IQCJ: variants seen among roughly 807,000 people sequenced by gnomAD.
IQCJ encodes the protein IQ motif containing J.
IQCJ carries 9 observed loss-of-function variants against 11.0 expected under a neutral mutation model. That is an observed-to-expected ratio of 0.82 (90% confidence interval 0.49 to 1.43). IQCJ has a LOEUF of 1.43. IQCJ is among the 40% of genes most tolerant of loss of function. IQCJ has a pLI of 0.00. For missense variants in IQCJ, 146 were observed against 133.2 expected (o/e 1.10, Z -0.47); for synonymous variants, 55 against 51.3 (o/e 1.07, Z -0.31).
rs182526464 is a variant in IQCJ, at chr3:159,238,587, G to A, written c.10-7256G>A. ...ACCATCCCTGACCTTGAAGAGCTGA[G>A]TGGGGGAGGCAGGTAAAGAGTAAAT... On this transcript the variant is annotated intron_variant, in intron 1 of 3. Coordinates refer to ENST00000397832, the MANE Select transcript of IQCJ (RefSeq NM_001042706.3). 5.6e-4 allele frequency among the ~76,000 whole-genome samples: 85 copies of A among 152,358 alleles called. 1 individual carries two copies. In the East Asian group the frequency reaches 0.015, roughly 27 times the overall value.
In IQCJ at chr3:159,234,861, A is replaced by G. The variant is rs1394451980; in HGVS notation, c.10-10982A>G. Among the ~76,000 whole-genome samples the G allele has an allele frequency of 2.0e-5, 3 of 152,330 alleles. No homozygotes were observed. In the East Asian group the frequency reaches 5.8e-4, roughly 29 times the overall value. On this transcript the variant is annotated intron_variant, in intron 1 of 3. Transcript: ENST00000397832. ...CAACATCACTTAGTAAATACATAAG[A>G]AATGCAAACTCACTTTCTAACCCTG...
intron 1 of IQCJ, among the ~76,000 whole-genome samples, chr3:159,175,714 C>G (rs2108002912): frequency 6.6e-6 from 1 of 152,228 alleles, no homozygotes; most frequent in East Asian, 1.9e-4. Context: ...TATAGATACT[C>G]TACAATATGC....
rs1490718734 is a variant in IQCJ at position 159,100,186 on chromosome 3, C to T, written c.9+30745C>T. On this transcript the variant is annotated intron_variant, in intron 1 of 3. Coordinates refer to ENST00000397832, the MANE Select transcript of IQCJ (RefSeq NM_001042706.3). Reference sequence around the variant, plus strand: ...CGGCTCCTGAGGCTTCTGCATTCTTCACGTAGTTCTCGAGCCTTGGTTTTC... The same window carrying T: ...CGGCTCCTGAGGCTTCTGCATTCTTTACGTAGTTCTCGAGCCTTGGTTTTC... Among the ~76,000 whole-genome samples, 2 of 11,218 alleles carry T rather than the reference C, an allele frequency of 1.8e-4. 1 individual carries two copies. Among genetic ancestry groups the T allele is most frequent in the Non-Finnish European group, 3.3e-4 (2 of 6,148 alleles). 7.4% of individuals were successfully genotyped at this position (11,218 alleles called of 152,430 possible).
chr3:159,177,702 G>T (rs1722869720), intron 1 of IQCJ, among the ~76,000 whole-genome samples: 1 of 152,116 alleles, frequency 6.6e-6, no homozygotes. Context: ...TCGTCAAAAT[G>T]CATACATCTG....
Position 159,211,433 on chromosome 3 carries a change from A to G in IQCJ, c.10-34410A>G, listed in dbSNP as rs1262219360. On this transcript the variant is annotated intron_variant, in intron 1 of 3. Coordinates refer to ENST00000397832, the MANE Select transcript of IQCJ (RefSeq NM_001042706.3). Reference sequence around the variant, plus strand: ...AAAGCTTCAGTTTAAGTGGTTGCCCACTGTCATCATTAATAAAACTTCTTT... The same window carrying G: ...AAAGCTTCAGTTTAAGTGGTTGCCCGCTGTCATCATTAATAAAACTTCTTT... Among the ~76,000 whole-genome samples the G allele has an allele frequency of 3.3e-5, 5 of 152,232 alleles. No homozygotes were observed. In the East Asian group the frequency reaches 9.6e-4, roughly 29 times the overall value.
intron 1 of IQCJ, among the ~76,000 whole-genome samples, chr3:159,145,587 T>C (rs1407815591): frequency 4.8e-5 from 7 of 145,576 alleles, no homozygotes; most frequent in Admixed American, 1.4e-4. Flanking sequence ...TTTTTTTTTT[T>C]CTAAATATAT....
chr3:159,202,409 G>A (rs1418038256), intron 1 of IQCJ, among the ~76,000 whole-genome samples: 6 of 152,164 alleles, frequency 3.9e-5, no homozygotes, highest in African/African-American at 1.2e-4. Context: ...CAATTTAATA[G>A]CAAGTTCCTC....
intron 1 of IQCJ, among the ~76,000 whole-genome samples, chr3:159,166,934 C>T (rs1173572007): frequency 1.3e-5 from 2 of 152,162 alleles, no homozygotes; most frequent in East Asian, 3.8e-4. Context: ...AATGCATCTG[C>T]AAATACTAGG....
intron 3 of IQCJ, among the ~76,000 whole-genome samples, chr3:159,257,921 G>A (rs1353795537): frequency 6.6e-6 from 1 of 152,196 alleles, no homozygotes; most frequent in East Asian, 1.9e-4. Flanking sequence ...TTTTGGGAAT[G>A]ATGATCAGTT....
chr3:159,147,505 T>G (rs1313893430), intron 1 of IQCJ, among the ~76,000 whole-genome samples: 2 of 152,234 alleles, frequency 1.3e-5, no homozygotes, highest in South Asian at 4.1e-4. Context: ...CTCAGAACTT[T>G]ATACTCTCAA....
chr3:159,174,898 C>T (rs182607262), intron 1 of IQCJ, among the ~76,000 whole-genome samples: 9 of 151,986 alleles, frequency 5.9e-5, no homozygotes, highest in African/African-American at 1.7e-4. Flanking sequence ...CTCAAGACAA[C>T]GTATTTGAAA....
At chr3:159,078,977 TATG>T (rs1209189343) in intron 1 of IQCJ, among the ~76,000 whole-genome samples, 4 of 152,174 alleles carry the variant, frequency 2.6e-5, no homozygotes, top group Non-Finnish European at 5.9e-5. Flanking sequence ...TTATTAATAA[TATG>T]ATAACTAAAT....
At chr3:159,113,614 A>G (rs1274043199) in intron 1 of IQCJ, among the ~76,000 whole-genome samples, 5 of 152,180 alleles carry the variant, frequency 3.3e-5, no homozygotes, top group Non-Finnish European at 7.3e-5. Context: ...AACACCTACA[A>G]TGGGAAGTGA....
At position 159,091,010 on chromosome 3, in the gene IQCJ, G is replaced by A. The variant is rs922076766; in HGVS notation, c.9+21569G>A. On this transcript the variant is annotated intron_variant, in intron 1 of 3. Coordinates refer to ENST00000397832, the MANE Select transcript of IQCJ (RefSeq NM_001042706.3). ...CTAAATCCCTAAATTATAGTGGAAA[G>A]CATTAATTGAGGAAGTTTTCAAAAT... Among the ~76,000 whole-genome samples the A allele has an allele frequency of 2.9e-4, 44 of 151,834 alleles. 2 individuals carry two copies. Among genetic ancestry groups the A allele is most frequent in the African/African-American group, 1.0e-3 (43 of 41,116 alleles).
intron 1 of IQCJ, among the ~76,000 whole-genome samples, chr3:159,186,842 A>G (rs1052816100): frequency 2.6e-5 from 4 of 152,250 alleles, no homozygotes; most frequent in Non-Finnish European, 4.4e-5. Context: ...GCTGCTGGTG[A>G]GAGAAAACGG....
At position 159,252,430 on chromosome 3, in the gene IQCJ, C is replaced by T. The variant is rs540999757; in HGVS notation, c.75-297C>T. On this transcript the variant is annotated intron_variant, in intron 2 of 3. Transcript: ENST00000397832. The stretch of plus-strand genomic sequence containing the variant: ...CCATATCCTTGTGTTTTTTCTCCCC[C>T]TGAAATTGTCCAATATGCTCCTTTT... Among the ~76,000 whole-genome samples the T allele has an allele frequency of 5.0e-4, 76 of 152,124 alleles. 1 individual carries two copies. The South Asian group carries it at 0.016, about 31-fold the overall frequency.
chr3:159,105,806 A>G (rs1180084644), intron 1 of IQCJ, among the ~76,000 whole-genome samples: 1 of 152,182 alleles, frequency 6.6e-6, no homozygotes, highest in Admixed American at 6.5e-5. Flanking sequence ...GTGGACAGAT[A>G]GATAGATACA....
At chr3:159,075,746 G>A (rs887696698) in intron 1 of IQCJ, among the ~76,000 whole-genome samples, 5 of 152,098 alleles carry the variant, frequency 3.3e-5, no homozygotes, top group African/African-American at 9.7e-5. Context: ...CTGTATGGAC[G>A]ATGTTTAATC....
chr3:159,214,704 C>T (rs996889616), intron 1 of IQCJ, among the ~76,000 whole-genome samples: 4 of 152,202 alleles, frequency 2.6e-5, no homozygotes, highest in Admixed American at 6.5e-5. Flanking sequence ...GTGGGGCCTG[C>T]ACAGACATAA....
Sources: gnomAD v4.1 joint callset for allele counts (sites outside exome capture counted in the v4.1 genomes callset) on GRCh38, gnomAD v4.1.1 for gene constraint, MANE v1.5 for transcripts, NCBI Gene and HGNC (gene_info 2026-07-23, HGNC 2026-07-21) for gene names.